The following ARHGAP6 variants were observed in gnomAD, a reference collection of about 807,000 sequenced individuals.
The protein encoded by ARHGAP6 is rho GTPase-activating protein 6.
Under a neutral mutation model 55.7 loss-of-function variants are expected in ARHGAP6, and 16 were observed. The observed-to-expected ratio is 0.29, with a 90% CI of 0.19 to 0.44. ARHGAP6 has a LOEUF of 0.44. ARHGAP6 is among the 20% of genes least tolerant of loss of function. ARHGAP6 has a pLI of 1.00. For missense variants in ARHGAP6, 698 were observed against 808.9 expected, an observed-to-expected ratio of 0.86 and a Z score of 1.66; for synonymous variants, 382 against 360.9, an observed-to-expected ratio of 1.06 and a Z score of -0.66.
chrX:11,469,112 G>C (rs2040524037), intron 1 of ARHGAP6, among the ~76,000 whole-genome samples: 1 of 112,654 alleles, frequency 8.9e-6, no homozygotes, highest in Non-Finnish European at 1.9e-5. Flanking sequence ...AATGTTTACT[G>C]TTCAAACCAC....
intron 1 of ARHGAP6, among the ~76,000 whole-genome samples, chrX:11,618,498 A>G (rs1001397255): frequency 8.9e-6 from 1 of 112,182 alleles, no homozygotes; most frequent in African/African-American, 3.2e-5. Context: ...GATATATTCT[A>G]GGTGTCTATC....
chrX:11,296,487 G>A (rs2048085917), intron 1 of ARHGAP6, among the ~76,000 whole-genome samples: 1 of 111,741 alleles, frequency 8.9e-6, no homozygotes, highest in South Asian at 3.8e-4. Flanking sequence ...GAATAAATGT[G>A]TGCTGGTTTC....
chrX:11,289,410 A>C (rs1247864989), intron 1 of ARHGAP6, among the ~76,000 whole-genome samples: 1 of 111,766 alleles, frequency 8.9e-6, no homozygotes, highest in Non-Finnish European at 1.9e-5. Context: ...GATTATTTAA[A>C]AGAAATAAAT....
intron 1 of ARHGAP6, among the ~76,000 whole-genome samples, chrX:11,648,420 T>C (rs2052551886): frequency 8.9e-6 from 1 of 112,176 alleles, no homozygotes; most frequent in Non-Finnish European, 1.9e-5. Context: ...TCATAATTCT[T>C]CAACTACTAC....
At chrX:11,179,142 C>T (rs1228526619) in intron 7 of ARHGAP6, among the ~76,000 whole-genome samples, 160 bp downstream of exon 7, 2 of 111,837 alleles carry the variant, frequency 1.8e-5, no homozygotes, top group Non-Finnish European at 3.8e-5. Context: ...CTAATTATTC[C>T]CAGGGTAAAT....
Position 11,173,724 on chromosome X carries a change from T to G in ARHGAP6, c.1630-4040A>C, listed in dbSNP as rs762448664. Among the ~76,000 whole-genome samples, 6 of 112,384 alleles carry G rather than the reference T, an allele frequency of 5.3e-5. No individual in the cohort carries two copies. In the South Asian group the frequency reaches 2.2e-3, roughly 42 times the overall value. ...TTTTCTCATGCCCTTCTTTTAGACA[T>G]CTTTAAGGTCTCACCAGTGAATGAT... On this transcript the variant is annotated intron_variant, in intron 8 of 12. Transcript: ENST00000337414.
chrX:11,153,699 C>T (rs180794058), intron 10 of ARHGAP6, among the ~76,000 whole-genome samples: 1 of 110,446 alleles, frequency 9.1e-6, no homozygotes, highest in East Asian at 2.9e-4. Flanking sequence ...TAGAGGAACA[C>T]AAACAAAAAC....
At chrX:11,343,205 A>G (rs1429099874) in intron 1 of ARHGAP6, among the ~76,000 whole-genome samples, 5 of 112,648 alleles carry the variant, frequency 4.4e-5, no homozygotes, top group East Asian at 5.6e-4. Context: ...AACAGAAAAT[A>G]TCAACTTTCT....
At chrX:11,642,708 G>T (rs1353363930) in intron 1 of ARHGAP6, among the ~76,000 whole-genome samples, 5 of 111,495 alleles carry the variant, frequency 4.5e-5, no homozygotes, top group Non-Finnish European at 9.4e-5. Context: ...GTCACATATT[G>T]TATAATTCCA....
intron 6 of ARHGAP6, among the ~76,000 whole-genome samples, chrX:11,179,765 CATAT>C (rs10576783): frequency 0.01 from 1,005 of 97,463 alleles, 8 homozygotes; most frequent in South Asian, 0.037. Context: ...TATATGTATA[CATAT>C]ATATATATAT....
intron 1 of ARHGAP6, among the ~76,000 whole-genome samples, chrX:11,533,968 G>A (rs1197146903): frequency 1.8e-5 from 2 of 112,112 alleles, no homozygotes; most frequent in Admixed American, 1.9e-4. Context: ...GAAAGGTTTT[G>A]GATTTTTGGA....
At chrX:11,361,054 A>C (rs2049003151) in intron 1 of ARHGAP6, among the ~76,000 whole-genome samples, 1 of 110,931 alleles carries the variant, frequency 9.0e-6, no homozygotes, top group Admixed American at 9.6e-5. Flanking sequence ...GGAAGAATCA[A>C]TACCGTGAAA....
At position 11,361,900 on chromosome X, in the gene ARHGAP6, C is replaced by A. The variant is rs774102768; in HGVS notation, c.589-107193G>T. Among the ~76,000 whole-genome samples the A allele has an allele frequency of 7.7e-3, 858 of 111,913 alleles. 7 individuals are homozygous for A. Among genetic ancestry groups the A allele is most frequent in the African/African-American group, 0.025 (780 of 30,739 alleles). On this transcript the variant is annotated intron_variant, in intron 1 of 12. Transcript: ENST00000337414. ...ATTTATGCAGCCAAAAGACACACGA[C>A]AAAATGCTCATCATCACTGGCCATC...
At chrX:11,609,405 G>A (rs930794438) in intron 1 of ARHGAP6, among the ~76,000 whole-genome samples, 11 of 112,108 alleles carry the variant, frequency 9.8e-5, no homozygotes, top group Middle Eastern at 4.6e-3. Flanking sequence ...TCACTAGACA[G>A]GAGGGAGCTA....
chrX:11,457,473 C>T (rs2050204325), intron 1 of ARHGAP6, among the ~76,000 whole-genome samples: 1 of 111,555 alleles, frequency 9.0e-6, no homozygotes, highest in Non-Finnish European at 1.9e-5. Context: ...GCCCTTCTCT[C>T]TAGAGGGAGA....
chrX:11,639,079 G>C (rs1388067414), intron 1 of ARHGAP6, among the ~76,000 whole-genome samples: 1 of 111,226 alleles, frequency 9.0e-6, no homozygotes, highest in Non-Finnish European at 1.9e-5. Flanking sequence ...GAATGTGAAA[G>C]GGTAAGAAAG....
chrX:11,176,253 A>ATT (rs1569242434), intron 8 of ARHGAP6, among the ~76,000 whole-genome samples: 5 of 63,522 alleles, frequency 7.9e-5, no homozygotes, highest in African/African-American at 3.2e-4. Context: ...ATATATATAT[A>ATT]TATATATATA....
intron 1 of ARHGAP6, among the ~76,000 whole-genome samples, chrX:11,517,811 G>A (rs1389441890): frequency 9.1e-6 from 1 of 109,925 alleles, no homozygotes; most frequent in Admixed American, 9.8e-5. Context: ...ACACACTGGG[G>A]CCTGTCAGGT....
At chrX:11,584,920 G>T (rs1322754053) in intron 1 of ARHGAP6, among the ~76,000 whole-genome samples, 1 of 111,555 alleles carries the variant, frequency 9.0e-6, no homozygotes, top group Non-Finnish European at 1.9e-5. Flanking sequence ...TGTTGTACAA[G>T]CCCCACCCTC....
Sources: gnomAD v4.1 joint callset for allele counts (sites outside exome capture counted in the v4.1 genomes callset) on GRCh38, gnomAD v4.1.1 for gene constraint, MANE v1.5 for transcripts, NCBI Gene and HGNC (gene_info 2026-07-23, HGNC 2026-07-21) for gene names.